YBX2: variants seen among roughly 807,000 people sequenced by gnomAD.
The protein encoded by YBX2 is Y-box-binding protein 2.
In YBX2, 5 loss-of-function variants were observed where a neutral mutation model predicts 44.4. The observed-to-expected ratio is 0.11, with a 90% CI of 0.06 to 0.24. The LOEUF is 0.24. Among genes scored for constraint, YBX2 ranks in the 10% least tolerant of loss-of-function variants. The pLI is 1.00. For synonymous variants in YBX2, 188 were observed against 216.1 expected (o/e 0.87, Z 1.14); for missense variants, 417 against 526.9 (o/e 0.79, Z 2.04).
Position 7,288,345 on chromosome 17 carries a change from C to T in YBX2, c.*338G>A, listed in dbSNP as rs912890707. ...TCAGAGGTAGGGGGCCGGGGGAAAA[C>T]AAAAATAAACTTGGGGTGGGGGCAA... On this transcript the variant is annotated 3_prime_UTR_variant, in exon 9 of 9. Transcript: ENST00000007699. The T allele has an allele frequency of 5.7e-6, 1 of 174,300 alleles. No individual in the cohort carries two copies. The highest frequency in any genetic ancestry group is 2.4e-5 in the African/African-American group (1 of 41,736). The allele number at this position is 174,300 out of a possible 1,614,324, so 10.8% of individuals were successfully genotyped here. A position where few individuals can be genotyped will look rare whatever the true frequency, so the allele number is the denominator to read the frequency against.
rs767459902 is a variant in YBX2 at position 7,289,594 on chromosome 17, C to T, written c.980G>A (p.Arg327Gln). 1 of 1,612,604 alleles carries T rather than the reference C, an allele frequency of 6.2e-7. No homozygotes were observed. The highest frequency in any genetic ancestry group is 1.7e-5 in the Admixed American group (1 of 59,896). ...GGGGCCAGGGGCCTGCTGCCGTCTCCGCTGGAAGTAGGGGCGGTTTCGTGG... is the reference window on the plus strand; with the variant it reads ...GGGGCCAGGGGCCTGCTGCCGTCTCTGCTGGAAGTAGGGGCGGTTTCGTGG... ...QRPRNRPYFQ[R>Q]RRQQAPGPQQ... is the part of the protein sequence containing the mutation. The change falls in exon 7 of 9, where the codon CGG (arginine) becomes CAG (glutamine). Residue 327 changes from arginine to glutamine, a missense_variant. Coordinates refer to ENST00000007699, the MANE Select transcript of YBX2 (RefSeq NM_015982.4).
chr17:7,289,843 G>C, intron 6 of YBX2, 118 bp from the exon 7 acceptor site: 5 of 1,583,264 alleles, frequency 3.2e-6, no homozygotes, highest in South Asian at 2.3e-5. Context: ...CTGCCTCCCC[G>C]CAAGGCACCT....
At position 7,289,650 on chromosome 17, in the gene YBX2, G is replaced by A. The variant is rs564492862; in HGVS notation, c.924C>T (p.Pro308=). ...GDGETKPSQG[P]ADGSRPEPQR... ...GGGGCTCAGGCCGGGAACCATCAGC[G>A]GGACCTTGGCTGGGCTTGGTCTCAC... The change falls in exon 7 of 9, where the codon CCC becomes CCT. Residue 308 remains proline (P), a synonymous_variant. Coordinates refer to ENST00000007699, the MANE Select transcript of YBX2 (RefSeq NM_015982.4). 115 of 1,614,110 alleles carry A rather than the reference G, an allele frequency of 7.1e-5. 1 individual carries two copies. Among genetic ancestry groups the A allele is most frequent in the South Asian group, 6.7e-4 (61 of 91,080 alleles).
chr17:7,290,540 G>C lies in YBX2; in HGVS notation c.460-5C>G. ...TACATTAGTGGCTTCTGCGCCCTGG[G>C]AAGGTGGTAAGGGAATAGTGAGAAC... On this transcript the variant is annotated splice_polypyrimidine_tract_variant and splice_region_variant and intron_variant, in intron 4 of 8. Coordinates refer to ENST00000007699, the MANE Select transcript of YBX2 (RefSeq NM_015982.4). 1 of 1,611,158 alleles carries C rather than the reference G, an allele frequency of 6.2e-7. No individual in the cohort carries two copies. Among genetic ancestry groups the C allele is most frequent in the Non-Finnish European group, 8.5e-7 (1 of 1,178,226 alleles).
At position 7,294,573 on chromosome 17, in the gene YBX2, T is replaced by C. The variant is rs1597605531; in HGVS notation, c.-73A>G. 7.9e-7 allele frequency: 1 copy of C among 1,265,986 alleles called. No homozygotes were observed. The highest frequency in any genetic ancestry group is 9.9e-7 in the Non-Finnish European group (1 of 1,011,486). The allele number at this position is 1,265,986 out of a possible 1,614,324, so 78.4% of individuals were successfully genotyped here. ...CCCCCGGCTCGCGAACCCACCGCCCTGCTCGGTCCTCGCGCCCCGAGCCTC... is the reference window on the plus strand; with the variant it reads ...CCCCCGGCTCGCGAACCCACCGCCCCGCTCGGTCCTCGCGCCCCGAGCCTC... On this transcript the variant is annotated 5_prime_UTR_variant, in exon 1 of 9. Transcript: ENST00000007699. This position sits in a 1 kb window ranked among gnomAD's most constrained non-coding sequence, Gnocchi z 4.6.
In YBX2 at chr17:7,288,796, G is replaced by C. The variant is rs2072474154; in HGVS notation, c.1087C>G (p.Leu363Val). The C allele has an allele frequency of 1.2e-6, 2 of 1,613,978 alleles. No individual in the cohort carries two copies. The highest frequency in any genetic ancestry group is 1.6e-4 in the Middle Eastern group (1 of 6,080). The change falls in exon 8 of 9, where the codon CTG (leucine) becomes GTG (valine). Residue 363 changes from leucine to valine, a missense_variant. Coordinates refer to ENST00000007699, the MANE Select transcript of YBX2 (RefSeq NM_015982.4). Reference protein sequence around the residue: ...VNSGDPTTTILE With the variant: ...VNSGDPTTTIVE ...TCTGAGTTGAGTTGGAATCACTCCA[G>C]GATGGTGGTGGTGGGGTCCCCACTG... is the stretch of plus-strand genomic sequence containing the variant.
chr17:7,294,435 C>T lies in YBX2; in HGVS notation c.66G>A (p.Ala22=). The T allele has an allele frequency of 2.0e-6, 3 of 1,473,806 alleles. 1 individual carries two copies. Among genetic ancestry groups the T allele is most frequent in the South Asian group, 2.5e-5 (2 of 79,504 alleles). 91.3% of individuals were successfully genotyped at this position (1,473,806 alleles called of 1,614,324 possible). A position where few individuals can be genotyped will look rare whatever the true frequency, so the allele number is the denominator to read the frequency against. ...GTACCACCACCGCTACCACCCCTGC[C>T]GCCGTCGCGGGCACCGTCGCCGCGG... ...AVPAATVPAT[A]AGVVAVVVPV... Residue 22 remains alanine, a synonymous_variant, in exon 1 of 9, where the codon GCG becomes GCA. Coordinates refer to ENST00000007699, the MANE Select transcript of YBX2 (RefSeq NM_015982.4). This position sits in a 1 kb window ranked among gnomAD's most constrained non-coding sequence, Gnocchi z 4.6.
rs1473513305 is a variant in YBX2 at position 7,290,257 on chromosome 17, A to T, written c.738T>A (p.Pro246=). ...TATTCCAGCATCCCCTCACCTCTATAGGCTGCTGCTGGTTGGGAGGCCGGG... is the reference window on the plus strand; with the variant it reads ...TATTCCAGCATCCCCTCACCTCTATTGGCTGCTGCTGGTTGGGAGGCCGGG... ...RGPRPPNQQQ[P]IEGTDRVEPK... The change falls in exon 5 of 9, where the codon CCT becomes CCA. Residue 246 remains proline, a synonymous_variant. Coordinates refer to ENST00000007699, the MANE Select transcript of YBX2 (RefSeq NM_015982.4). 1.9e-6 allele frequency: 3 copies of T among 1,612,378 alleles called. No individual in the cohort carries two copies. In the African/African-American group the frequency reaches 4.0e-5, roughly 22 times the overall value.
intron 8 of YBX2, 26 bp downstream of exon 8, chr17:7,288,723 C>T: frequency 6.3e-7 from 1 of 1,598,480 alleles, no homozygotes; most frequent in Non-Finnish European, 8.6e-7. Flanking sequence ...TTCCTGGCCA[C>T]CCACCCAACT....
At position 7,291,288 on chromosome 17, in the gene YBX2, G is replaced by C; in HGVS notation, c.370-106C>G. The C allele has an allele frequency of 8.7e-7, 1 of 1,149,060 alleles. No individual in the cohort carries two copies. Among genetic ancestry groups the C allele is most frequent in the South Asian group, 1.3e-5 (1 of 77,876 alleles). The allele number at this position is 1,149,060 out of a possible 1,614,324, so 71.2% of individuals were successfully genotyped here. ...TTCATTCTTTCAACATTTGACTTGG[G>C]GTCTAGAGCTGGAGGGTGGAGCAAG... On this transcript the variant is annotated intron_variant, in intron 3 of 8. Transcript: ENST00000007699. This position sits in a 1 kb window ranked among gnomAD's most constrained non-coding sequence, Gnocchi z 5.8.
In YBX2 at chr17:7,294,002, C is replaced by T; in HGVS notation, c.271+228G>A. On this transcript the variant is annotated intron_variant, in intron 1 of 8. Coordinates refer to ENST00000007699, the MANE Select transcript of YBX2 (RefSeq NM_015982.4). This position sits in a 1 kb window ranked among gnomAD's most constrained non-coding sequence, Gnocchi z 4.6. ...GGCCGGACCCTGGGGCTTTATTCTCCACCCCAAGACCTTAGCTGAACCTGC... is the reference window on the plus strand; with the variant it reads ...GGCCGGACCCTGGGGCTTTATTCTCTACCCCAAGACCTTAGCTGAACCTGC... The T allele has an allele frequency of 2.0e-6, 1 of 504,116 alleles. No individual in the cohort carries two copies. The highest frequency in any genetic ancestry group is 3.2e-6 in the Non-Finnish European group (1 of 314,184). The allele number at this position is 504,116 out of a possible 1,614,324, so 31.2% of individuals were successfully genotyped here.
chr17:7,289,299 G>T (rs1223887821), intron 7 of YBX2, among the ~76,000 whole-genome samples: 1 of 151,372 alleles, frequency 6.6e-6, no homozygotes, highest in Non-Finnish European at 1.5e-5. Context: ...ATGGGTTGGG[G>T]GGGGCATGGC....
At chr17:7,289,746 C>T (rs376289098) in intron 6 of YBX2, 21 bp from the exon 7 acceptor site, 2 of 1,612,478 alleles carry the variant, frequency 1.2e-6, no homozygotes, top group African/African-American at 2.7e-5. Context: ...GAACAAGGCT[C>T]TGAGGGGACC....
Position 7,291,391 on chromosome 17 carries a change from G to A in YBX2, c.370-209C>T. 1 of 614,414 alleles carries A rather than the reference G, an allele frequency of 1.6e-6. No individual in the cohort carries two copies. Among genetic ancestry groups the A allele is most frequent in the African/African-American group, 1.8e-5 (1 of 54,846 alleles). 38.1% of individuals were successfully genotyped at this position (614,414 alleles called of 1,614,324 possible). ...ATTGTGCAGTTACCACCATCCCCAG[G>A]ATGCACTCCCCGCACCTCCCCTCCC... On this transcript the variant is annotated intron_variant, in intron 3 of 8. Transcript: ENST00000007699. This position sits in a 1 kb window ranked among gnomAD's most constrained non-coding sequence, Gnocchi z 5.8.
chr17:7,294,549 C>G lies in YBX2; in HGVS notation c.-49G>C. On this transcript the variant is annotated 5_prime_UTR_variant, in exon 1 of 9. Coordinates refer to ENST00000007699, the MANE Select transcript of YBX2 (RefSeq NM_015982.4). The surrounding 1 kb of genome is among the most constrained non-coding windows in gnomAD (Gnocchi z 4.6). ...CAGCCGCCACCGCCCCGGCCCCTCC[C>G]CCCGGCTCGCGAACCCACCGCCCTG... is the stretch of plus-strand genomic sequence containing the variant. 1 of 1,402,444 alleles carries G rather than the reference C, an allele frequency of 7.1e-7. No individual in the cohort carries two copies. Among genetic ancestry groups the G allele is most frequent in the Non-Finnish European group, 9.3e-7 (1 of 1,076,332 alleles). 86.9% of individuals were successfully genotyped at this position (1,402,444 alleles called of 1,614,324 possible).
At chr17:7,290,588 T>A in intron 4 of YBX2, 53 bp from the exon 5 acceptor site, 3 of 1,586,050 alleles carry the variant, frequency 1.9e-6, no homozygotes. Context: ...CCAATGTGCA[T>A]TTCCCAACTT....
At chr17:7,293,768 C>T in intron 1 of YBX2, 1 of 795,290 alleles carries the variant, frequency 1.3e-6, no homozygotes, top group Non-Finnish European at 1.9e-6. Flanking sequence ...CCTTCCAACT[C>T]TAAGTCACGT....
At chr17:7,289,454 T>G in intron 7 of YBX2, 76 bp downstream of exon 7, 4 of 1,542,424 alleles carry the variant, frequency 2.6e-6, no homozygotes, top group Non-Finnish European at 1.7e-6. Flanking sequence ...AAGGATAGAG[T>G]AGGAAAGAAA....
rs1284993452 is a variant in YBX2, at chr17:7,291,369, G to A, written c.370-187C>T. 1 of 646,798 alleles carries A rather than the reference G, an allele frequency of 1.5e-6. No homozygotes were observed. Among genetic ancestry groups the A allele is most frequent in the African/African-American group, 1.8e-5 (1 of 55,660 alleles). 40.1% of individuals were successfully genotyped at this position (646,798 alleles called of 1,614,324 possible). A position where few individuals can be genotyped will look rare whatever the true frequency, so the allele number is the denominator to read the frequency against. On this transcript the variant is annotated intron_variant, in intron 3 of 8. Transcript: ENST00000007699. This position sits in a 1 kb window ranked among gnomAD's most constrained non-coding sequence, Gnocchi z 5.8. ...CCTGAACTCAGGGCCTCAGCAGATTGTGCAGTTACCACCATCCCCAGGATG... is the reference window on the plus strand; with the variant it reads ...CCTGAACTCAGGGCCTCAGCAGATTATGCAGTTACCACCATCCCCAGGATG...
Sources: allele counts gnomAD v4.1 joint callset (sites outside exome capture counted in the v4.1 genomes callset), GRCh38; gene constraint gnomAD v4.1.1; non-coding constraint Gnocchi (gnomAD v3.1); transcripts MANE v1.5; gene names NCBI Gene and HGNC (gene_info 2026-07-23, HGNC 2026-07-21).